Variants in KHDRBS2 observed in about 807,000 individuals in gnomAD.
KHDRBS2 encodes KH RNA binding domain containing, signal transduction associated 2.
Under a neutral mutation model 44.3 loss-of-function variants are expected in KHDRBS2, and 26 were observed. That is an observed-to-expected ratio of 0.59 (90% confidence interval 0.43 to 0.81). The LOEUF (loss-of-function observed/expected upper bound fraction) is 0.81. KHDRBS2 is among the 40% of genes least tolerant of loss of function. The pLI is 0.00. For missense variants in KHDRBS2, 476 were observed against 433.1 expected (o/e 1.10, Z -0.88); for synonymous variants, 194 against 151.1 (o/e 1.28, Z -2.08).
intron 1 of KHDRBS2, among the ~76,000 whole-genome samples, chr6:62,245,619 G>A (rs1835424736): frequency 6.6e-6 from 1 of 152,008 alleles, no homozygotes. Flanking sequence ...TAAATTATGT[G>A]CCAATGCCAG....
chr6:61,715,796 T>G (rs1771300984), intron 7 of KHDRBS2, among the ~76,000 whole-genome samples: 1 of 151,022 alleles, frequency 6.6e-6, no homozygotes, highest in African/African-American at 2.4e-5. Flanking sequence ...ATACTGAGTT[T>G]TTTTTTTTTC....
At chr6:62,262,581 T>C (rs1391989889) in intron 1 of KHDRBS2, among the ~76,000 whole-genome samples, 1 of 151,818 alleles carries the variant, frequency 6.6e-6, no homozygotes, top group Non-Finnish European at 1.5e-5. Context: ...ATATAGGTTT[T>C]AACAAACATT....
At chr6:62,225,228 G>A (rs901089260) in intron 1 of KHDRBS2, among the ~76,000 whole-genome samples, 1 of 152,008 alleles carries the variant, frequency 6.6e-6, no homozygotes, top group Non-Finnish European at 1.5e-5. Flanking sequence ...AATCCAGGAG[G>A]GTTCACTTAT....
the KHDRBS2 span, among the ~76,000 whole-genome samples, chr6:61,657,647 TC>T: frequency 2.0e-5 from 3 of 151,956 alleles, no homozygotes; most frequent in East Asian, 5.8e-4. Flanking sequence ...GAAGCCTTTC[TC>T]CTGATCATTG....
intron 6 of KHDRBS2, among the ~76,000 whole-genome samples, chr6:61,855,466 C>G (rs1465758832): frequency 7.2e-6 from 1 of 138,400 alleles, no homozygotes; most frequent in Non-Finnish European, 1.6e-5. Context: ...TGAGAATGAA[C>G]TAATTTTAGA....
chr6:61,600,928 T>TA, the KHDRBS2 span, among the ~76,000 whole-genome samples: 3 of 152,182 alleles, frequency 2.0e-5, no homozygotes, highest in Non-Finnish European at 4.4e-5. Flanking sequence ...AGATGCGTTT[T>TA]ATCTATGGAC....
At chr6:61,586,907 T>G in the KHDRBS2 span, among the ~76,000 whole-genome samples, 3 of 152,162 alleles carry the variant, frequency 2.0e-5, no homozygotes, top group African/African-American at 7.2e-5. Flanking sequence ...CTAATATAAA[T>G]AGGGTTTTTG....
chr6:61,567,646 AAAAC>A, the KHDRBS2 span, among the ~76,000 whole-genome samples: 6,704 of 152,050 alleles, frequency 0.044, 148 homozygotes, highest in East Asian at 0.086. Context: ...GTCTTAAAAC[AAAAC>A]AAACAAACAA....
At chr6:61,886,092 T>G (rs1343961105) in intron 6 of KHDRBS2, among the ~76,000 whole-genome samples, 1 of 152,046 alleles carries the variant, frequency 6.6e-6, no homozygotes, top group Admixed American at 6.6e-5. Context: ...CCCTAAATCT[T>G]CTTCCTTCAT....
At chr6:61,584,434 C>T in the KHDRBS2 span, among the ~76,000 whole-genome samples, 3 of 151,670 alleles carry the variant, frequency 2.0e-5, no homozygotes, top group African/African-American at 4.8e-5. Context: ...TCAAAAACAC[C>T]TATTTGTATT....
In KHDRBS2 at chr6:61,901,300, A is replaced by G; in HGVS notation, c.555T>C (p.Gly185=). The change falls in exon 5 of 9, where the codon GGT becomes GGC. Residue 185 remains glycine, a synonymous_variant. Transcript: ENST00000281156. Reference sequence around the variant, plus strand: ...CTCTGCCTCTAATACCTCTGCCACGACCAGAGTCCTCTGAGCCATTTAAGT... The same window carrying G: ...CTCTGCCTCTAATACCTCTGCCACGGCCAGAGTCCTCTGAGCCATTTAAGT... ...LSYLNGSEDS[G]RGRGIRGRGI... 6.2e-7 allele frequency: 1 copy of G among 1,613,298 alleles called. No homozygotes were observed. Among genetic ancestry groups the G allele is most frequent in the Non-Finnish European group, 8.5e-7 (1 of 1,179,290 alleles).
At chr6:61,928,187 C>G (rs1204498086) in intron 4 of KHDRBS2, among the ~76,000 whole-genome samples, 3 of 152,074 alleles carry the variant, frequency 2.0e-5, no homozygotes, top group African/African-American at 7.2e-5. Flanking sequence ...GTTATCAACT[C>G]ACATTTTGAT....
At chr6:61,937,072 A>G (rs1811162140) in intron 4 of KHDRBS2, among the ~76,000 whole-genome samples, 2 of 151,868 alleles carry the variant, frequency 1.3e-5, no homozygotes, top group South Asian at 4.1e-4. Context: ...CATGTATAGG[A>G]CCATCTTATT....
chr6:61,764,597 G>A (rs1433655250), intron 6 of KHDRBS2, among the ~76,000 whole-genome samples: 6 of 152,036 alleles, frequency 3.9e-5, no homozygotes, highest in East Asian at 1.9e-4. Context: ...GTATCTCATC[G>A]TGGTTTCGAT....
chr6:61,796,935 C>A (rs1347817884), intron 6 of KHDRBS2, among the ~76,000 whole-genome samples: 1 of 151,994 alleles, frequency 6.6e-6, no homozygotes, highest in Non-Finnish European at 1.5e-5. Flanking sequence ...ACTTGAATTT[C>A]CAAGTTATCT....
intron 6 of KHDRBS2, among the ~76,000 whole-genome samples, chr6:61,843,938 C>T (rs1323201796): frequency 6.6e-6 from 1 of 152,004 alleles, no homozygotes; most frequent in Non-Finnish European, 1.5e-5. Context: ...ATTTGATTTT[C>T]TTTAATATGC....
At chr6:61,855,849 T>C (rs1384545592) in intron 6 of KHDRBS2, among the ~76,000 whole-genome samples, 1 of 152,030 alleles carries the variant, frequency 6.6e-6, no homozygotes, top group African/African-American at 2.4e-5. Flanking sequence ...CTTTCCCAAA[T>C]AGTAGCTGGC....
At chr6:61,929,978 A>G (rs1233324352) in intron 4 of KHDRBS2, among the ~76,000 whole-genome samples, 1 of 152,228 alleles carries the variant, frequency 6.6e-6, no homozygotes, top group East Asian at 1.9e-4. Context: ...CTCCATTGCC[A>G]ATGTGATAGT....
At chr6:62,271,264 T>A (rs1396724279) in intron 1 of KHDRBS2, among the ~76,000 whole-genome samples, 2 of 152,144 alleles carry the variant, frequency 1.3e-5, no homozygotes, top group African/African-American at 4.8e-5. Context: ...AGGATTACAA[T>A]GGAGCTGAAA....
Sources: allele counts gnomAD v4.1 joint callset (sites outside exome capture counted in the v4.1 genomes callset), GRCh38; gene constraint gnomAD v4.1.1; transcripts MANE v1.5; gene names NCBI Gene and HGNC (gene_info 2026-07-23, HGNC 2026-07-21).